Variants in RFC3 observed in about 807,000 individuals in gnomAD.
RFC3 encodes the protein replication factor C subunit 3.
A neutral mutation model predicts 45.1 loss-of-function variants in RFC3; 41 were observed. The ratio of observed to expected loss-of-function variants is 0.91; its 90% confidence interval spans 0.71 to 1.18. The LOEUF is 1.18. Ranked by LOEUF, RFC3 falls within the 50% of genes most tolerant of loss-of-function variation. The pLI is 0.00. For synonymous variants in RFC3, 149 were observed against 144.0 expected (o/e 1.03, Z -0.25); for missense variants, 423 against 428.1 (o/e 0.99, Z 0.10).
intron 8 of RFC3, among the ~76,000 whole-genome samples, chr13:33,854,647 C>T (rs1326433891): frequency 2.0e-5 from 3 of 151,912 alleles, no homozygotes; most frequent in Admixed American, 1.3e-4. Context: ...GAATGGCTGC[C>T]CCTGAGAGAT....
chr13:33,920,944 T>C (rs1257037716), intron 8 of RFC3, among the ~76,000 whole-genome samples: 3 of 152,166 alleles, frequency 2.0e-5, no homozygotes, highest in Non-Finnish European at 4.4e-5. Flanking sequence ...GGCAAATTTA[T>C]GTTTCCAACG....
At chr13:33,937,665 A>G (rs2082895748) in intron 8 of RFC3, among the ~76,000 whole-genome samples, 2 of 152,202 alleles carry the variant, frequency 1.3e-5, no homozygotes, top group South Asian at 4.1e-4. Flanking sequence ...CACAGAAGAT[A>G]ATCACATAAC....
At chr13:33,842,131 A>G (rs2082203680), downstream of RFC3, among the ~76,000 whole-genome samples, 1 of 152,058 alleles carries the variant, frequency 6.6e-6, no homozygotes, top group African/African-American at 2.4e-5. Flanking sequence ...GATAAACAAA[A>G]TAGAAAATTA....
intron 4 of RFC3, among the ~76,000 whole-genome samples, chr13:33,827,534 A>G (rs1255904632): frequency 2.0e-5 from 3 of 152,210 alleles, no homozygotes; most frequent in Non-Finnish European, 2.9e-5. Flanking sequence ...TTAAAATTTT[A>G]ATCAAAATTA....
chr13:33,916,483 C>T (rs966760504), intron 8 of RFC3, among the ~76,000 whole-genome samples: 1 of 152,086 alleles, frequency 6.6e-6, no homozygotes, highest in Non-Finnish European at 1.5e-5. Context: ...TCAGATTTCA[C>T]CTGGGTAGAA....
At chr13:33,901,842 T>G (rs1475002003) in intron 8 of RFC3, among the ~76,000 whole-genome samples, 1 of 151,862 alleles carries the variant, frequency 6.6e-6, no homozygotes, top group Non-Finnish European at 1.5e-5. Context: ...CACATAAAAA[T>G]AAACAAGAAA....
chr13:33,937,795 GA>G (rs2082896611), intron 8 of RFC3, among the ~76,000 whole-genome samples: 2 of 152,140 alleles, frequency 1.3e-5, no homozygotes, highest in African/African-American at 4.8e-5. Context: ...TGAGAGCAAT[GA>G]AATTTCTTCC....
intron 8 of RFC3, among the ~76,000 whole-genome samples, chr13:33,944,410 G>T (rs1284257361): frequency 6.6e-6 from 1 of 152,162 alleles, no homozygotes; most frequent in Non-Finnish European, 1.5e-5. Context: ...GAGTGATGAC[G>T]ATGAGTGTGC....
At chr13:33,976,893 C>G in the RFC3 span, among the ~76,000 whole-genome samples, 4 of 152,068 alleles carry the variant, frequency 2.6e-5, no homozygotes, top group African/African-American at 7.2e-5. Context: ...AAACTTGTAA[C>G]TTAATAGAGG....
chr13:33,833,141 C>T (rs1232056451), intron 7 of RFC3, among the ~76,000 whole-genome samples: 1 of 152,148 alleles, frequency 6.6e-6, no homozygotes, highest in Non-Finnish European at 1.5e-5. Flanking sequence ...AGTCTGGTAT[C>T]TTTCTGATCA....
intron 8 of RFC3, among the ~76,000 whole-genome samples, chr13:33,949,987 C>T (rs2082978756): frequency 6.6e-6 from 1 of 151,922 alleles, no homozygotes; most frequent in African/African-American, 2.4e-5. Flanking sequence ...TTTCCTGGGT[C>T]TCCAGCTTCT....
chr13:33,865,506 A>G (rs1356935601), intron 8 of RFC3, among the ~76,000 whole-genome samples: 1 of 152,190 alleles, frequency 6.6e-6, no homozygotes, highest in African/African-American at 2.4e-5. Context: ...CTAAATTCTT[A>G]TGAGCAAAAT....
intron 8 of RFC3, among the ~76,000 whole-genome samples, chr13:33,883,938 T>TA (rs1229461865): frequency 4.7e-4 from 69 of 146,826 alleles, no homozygotes; most frequent in Non-Finnish European, 6.5e-4. Context: ...AACTTAAAAG[T>TA]AAAAAAAAAA....
chr13:33,853,936 G>A (rs1442465902), intron 8 of RFC3, among the ~76,000 whole-genome samples: 2 of 152,124 alleles, frequency 1.3e-5, no homozygotes, highest in African/African-American at 4.8e-5. Context: ...GATATTCAAA[G>A]CATTTCTTAC....
chr13:33,859,644 A>G (rs568560726), intron 8 of RFC3, among the ~76,000 whole-genome samples: 1 of 152,300 alleles, frequency 6.6e-6, no homozygotes, highest in South Asian at 2.1e-4. Flanking sequence ...AGGAACATGA[A>G]TTATTTTTAT....
chr13:33,860,406 A>C (rs1387102348), intron 8 of RFC3, among the ~76,000 whole-genome samples: 1 of 152,058 alleles, frequency 6.6e-6, no homozygotes, highest in Admixed American at 6.5e-5. Context: ...ACATTTAAAG[A>C]CATCTACCTT....
chr13:33,839,071 G>GA (rs2082178638), downstream of RFC3, among the ~76,000 whole-genome samples: 1 of 152,118 alleles, frequency 6.6e-6, no homozygotes, highest in African/African-American at 2.4e-5. Context: ...TAGACATCAT[G>GA]AGACTACAAG....
At chr13:33,929,460 C>T (rs1302263867) in intron 8 of RFC3, among the ~76,000 whole-genome samples, 1 of 152,032 alleles carries the variant, frequency 6.6e-6, no homozygotes, top group East Asian at 1.9e-4. Context: ...GTTGATAAAG[C>T]TTACTAAAGG....
Position 33,827,735 on chromosome 13 carries a change from A to G in RFC3, c.391+1849A>G, listed in dbSNP as rs149432553. ...GAAATAATTTGTCTCTTTCATATCC[A>G]TAAAGATGTTATTCTGCTCCTCTGC... On this transcript the variant is annotated intron_variant, in intron 4 of 8. Coordinates refer to ENST00000380071, the MANE Select transcript of RFC3 (RefSeq NM_002915.4). Among the ~76,000 whole-genome samples, 207 of 152,300 alleles carry G rather than the reference A, an allele frequency of 1.4e-3. 1 individual carries two copies. The highest frequency in any genetic ancestry group is 3.9e-3 in the African/African-American group (164 of 41,564).
Sources: gnomAD v4.1 joint callset for allele counts (sites outside exome capture counted in the v4.1 genomes callset) on GRCh38, gnomAD v4.1.1 for gene constraint, MANE v1.5 for transcripts, NCBI Gene and HGNC (gene_info 2026-07-23, HGNC 2026-07-21) for gene names.